Variants in LRRTM4 observed in about 807,000 individuals in gnomAD.
LRRTM4 encodes leucine rich repeat transmembrane neuronal 4.
In LRRTM4, 25 loss-of-function variants were observed where a neutral mutation model predicts 47.6. That is an observed-to-expected ratio of 0.53 (90% CI 0.38 to 0.73). The LOEUF (loss-of-function observed/expected upper bound fraction) is 0.73. Among genes scored for constraint, LRRTM4 ranks in the 30% least tolerant of loss-of-function variants. The pLI is 0.00. For synonymous variants in LRRTM4, 311 were observed against 269.5 expected, an observed-to-expected ratio of 1.15 and a Z score of -1.51; for missense variants, 638 against 713.4, an observed-to-expected ratio of 0.89 and a Z score of 1.20.
intron 3 of LRRTM4, among the ~76,000 whole-genome samples, chr2:77,274,105 G>A (rs1186212227): frequency 6.6e-6 from 1 of 151,878 alleles, no homozygotes; most frequent in Non-Finnish European, 1.5e-5. Context: ...CTCACACTCT[G>A]TTATGTATTG....
At chr2:77,242,126 C>T (rs1406731431) in intron 3 of LRRTM4, among the ~76,000 whole-genome samples, 1 of 152,084 alleles carries the variant, frequency 6.6e-6, no homozygotes, top group African/African-American at 2.4e-5. Flanking sequence ...TTTGGGGTTG[C>T]TTCAGATTCC....
intron 3 of LRRTM4, among the ~76,000 whole-genome samples, chr2:77,189,768 T>G (rs992330526): frequency 2.6e-5 from 4 of 151,986 alleles, no homozygotes; most frequent in Admixed American, 6.6e-5. Flanking sequence ...TATATATACA[T>G]ATACACACAC....
chr2:76,837,695 A>G (rs1348106122), intron 3 of LRRTM4, among the ~76,000 whole-genome samples: 1 of 152,142 alleles, frequency 6.6e-6, no homozygotes, highest in Non-Finnish European at 1.5e-5. Flanking sequence ...CCAAATGTCC[A>G]ACAATGATAG....
chr2:77,209,848 G>C (rs923520996), intron 3 of LRRTM4, among the ~76,000 whole-genome samples: 1 of 152,138 alleles, frequency 6.6e-6, no homozygotes, highest in African/African-American at 2.4e-5. Context: ...GTGTATTTTG[G>C]ATAATAGTAA....
chr2:76,773,712 C>T (rs1381763571), intron 3 of LRRTM4, among the ~76,000 whole-genome samples: 1 of 150,884 alleles, frequency 6.6e-6, no homozygotes. Context: ...CAGAAAAACA[C>T]ATTAATAAAA....
At chr2:76,945,405 A>C (rs1030996202) in intron 3 of LRRTM4, among the ~76,000 whole-genome samples, 1 of 152,092 alleles carries the variant, frequency 6.6e-6, no homozygotes, top group Admixed American at 6.6e-5. Flanking sequence ...TAGCAGATTG[A>C]AAATGGCCCT....
chr2:77,136,845 C>A lies in LRRTM4; in HGVS notation c.1551+381473G>T, dbSNP rs191548756. On this transcript the variant is annotated intron_variant, in intron 3 of 3. Coordinates refer to ENST00000409884, the MANE Select transcript of LRRTM4 (RefSeq NM_001134745.3). ...GTGATGAATGCACAAGCTTCAGTAG[C>A]CGATTCGATCAACTGGAAGAAAGGG... 1.8e-3 allele frequency among the ~76,000 whole-genome samples: 266 copies of A among 151,870 alleles called. 8 individuals carry two copies. The highest frequency in any genetic ancestry group is 6.0e-3 in the African/African-American group (248 of 41,240).
intron 3 of LRRTM4, among the ~76,000 whole-genome samples, chr2:77,277,267 G>A (rs1037878305): frequency 6.6e-6 from 1 of 151,886 alleles, no homozygotes; most frequent in Non-Finnish European, 1.5e-5. Context: ...TATTTTTAGT[G>A]TAGCTTTGTA....
chr2:77,035,439 CCA>C (rs745730130), intron 3 of LRRTM4, among the ~76,000 whole-genome samples: 36 of 151,864 alleles, frequency 2.4e-4, no homozygotes, highest in Admixed American at 5.9e-4. Context: ...CCTTTTACAG[CCA>C]CAGTTACTTT....
At chr2:76,868,072 C>A (rs1295457903) in intron 3 of LRRTM4, among the ~76,000 whole-genome samples, 1 of 152,136 alleles carries the variant, frequency 6.6e-6, no homozygotes, top group Non-Finnish European at 1.5e-5. Context: ...TTCCGTCCTA[C>A]ACAGGATATT....
chr2:76,914,612 A>G (rs1235178581), intron 3 of LRRTM4, among the ~76,000 whole-genome samples: 1 of 152,212 alleles, frequency 6.6e-6, no homozygotes, highest in Non-Finnish European at 1.5e-5. Flanking sequence ...AAAGGTAGAG[A>G]ATTGCATGTG....
At chr2:77,001,677 T>C (rs1318069277) in intron 3 of LRRTM4, among the ~76,000 whole-genome samples, 1 of 152,166 alleles carries the variant, frequency 6.6e-6, no homozygotes, top group African/African-American at 2.4e-5. Flanking sequence ...ATACAGGCCA[T>C]GTAAGGTATT....
rs370829024 is a variant in LRRTM4, at chr2:77,010,545, C to CACACACACAG, written c.1552-261630_1552-261629insCTGTGTGTGT. 1.9e-4 allele frequency among the ~76,000 whole-genome samples: 29 copies of CACACACACAG among 148,972 alleles called. 1 individual carries two copies. The highest frequency in any genetic ancestry group is 4.2e-4 in the South Asian group (2 of 4,726). On this transcript the variant is annotated intron_variant, in intron 3 of 3. Coordinates refer to ENST00000409884, the MANE Select transcript of LRRTM4 (RefSeq NM_001134745.3). Reference sequence around the variant, plus strand: ...ACACACACACACACACACACACACACAGTCTTTAACCATTCATCTGTTGAT... The same window carrying CACACACACAG: ...ACACACACACACACACACACACACACACACACACAGAGTCTTTAACCATTCATCTGTTGAT...
At chr2:77,316,640 T>C (rs908724702) in intron 3 of LRRTM4, among the ~76,000 whole-genome samples, 2 of 151,850 alleles carry the variant, frequency 1.3e-5, no homozygotes, top group African/African-American at 4.8e-5. Flanking sequence ...CCCTGCCTCC[T>C]AGATTCAAGC....
intron 3 of LRRTM4, among the ~76,000 whole-genome samples, chr2:77,486,823 ATTCCCAT>A (rs1677930123): frequency 6.6e-6 from 1 of 152,224 alleles, no homozygotes; most frequent in South Asian, 2.1e-4. Flanking sequence ...TAAGGATGAT[ATTCCCAT>A]TTCCAACTCT....
intron 3 of LRRTM4, among the ~76,000 whole-genome samples, chr2:77,366,151 A>G (rs1053376187): frequency 8.6e-5 from 7 of 81,322 alleles, no homozygotes; most frequent in Admixed American, 1.4e-4. Context: ...TTCTACCTCT[A>G]TTGCTCTACC....
Position 77,519,772 on chromosome 2 carries a change from C to A in LRRTM4, c.97G>T (p.Ala33Ser). The A allele has an allele frequency of 6.2e-7, 1 of 1,613,210 alleles. No homozygotes were observed. Among genetic ancestry groups the A allele is most frequent in the Non-Finnish European group, 8.5e-7 (1 of 1,179,518 alleles). ...LLVMLTGAQR[A>S]CPKNCRCDGK... is the part of the protein sequence containing the mutation. ...TCACATCTGCAGTTCTTTGGGCAAG[C>A]TCTCTGAGCACCCGTGAGCATAACA... The change falls in exon 3 of 4, where the codon GCT (alanine) becomes TCT (serine). Residue 33 changes from alanine (A) to serine (S), a missense_variant. Ala to Ser is a moderately conservative substitution (Grantham distance 99). Coordinates refer to ENST00000409884, the MANE Select transcript of LRRTM4 (RefSeq NM_001134745.3). The surrounding 1 kb of genome is among the most constrained non-coding windows in gnomAD (Gnocchi z 4.6).
At chr2:77,151,112 C>T (rs571685063) in intron 3 of LRRTM4, among the ~76,000 whole-genome samples, 5 of 149,146 alleles carry the variant, frequency 3.4e-5, no homozygotes, top group South Asian at 2.1e-4. Flanking sequence ...AGACTACGTC[C>T]GTGTATGTGT....
intron 3 of LRRTM4, among the ~76,000 whole-genome samples, chr2:77,114,728 T>G (rs1671341119): frequency 6.6e-6 from 1 of 152,130 alleles, no homozygotes; most frequent in African/African-American, 2.4e-5. Flanking sequence ...CATCACATAT[T>G]GGTAGGACCA....
Sources: allele counts gnomAD v4.1 joint callset (sites outside exome capture counted in the v4.1 genomes callset), GRCh38; gene constraint gnomAD v4.1.1; non-coding constraint Gnocchi (gnomAD v3.1); transcripts MANE v1.5; gene names NCBI Gene and HGNC (gene_info 2026-07-23, HGNC 2026-07-21).